Variants in POLR3E observed in about 807,000 individuals in gnomAD.
POLR3E encodes RNA polymerase III subunit E, also known as DNA-directed RNA polymerase III subunit RPC5.
A neutral mutation model predicts 96.6 loss-of-function variants in POLR3E; 41 were observed. The observed-to-expected ratio is 0.42, with a 90% confidence interval of 0.33 to 0.55. POLR3E has a LOEUF of 0.55. Ranked by LOEUF, POLR3E falls within the 20% of genes least tolerant of loss-of-function variation. The pLI, the probability that POLR3E is intolerant of heterozygous loss-of-function variation, is 0.06. For missense variants in POLR3E, 849 were observed against 952.1 expected, an observed-to-expected ratio of 0.89 and a Z score of 1.43; for synonymous variants, 396 against 383.6, an observed-to-expected ratio of 1.03 and a Z score of -0.38.
chr16:22,310,621 T>TA (rs1567313699), intron 6 of POLR3E, among the ~76,000 whole-genome samples: 28 of 43,944 alleles, frequency 6.4e-4, no homozygotes, highest in African/African-American at 1.2e-3. Flanking sequence ...TTTAAAAAGT[T>TA]TAAAAAAAAA....
chr16:22,324,257 C>A (rs971404724), intron 14 of POLR3E, 97 bp from the exon 15 acceptor site: 2 of 971,470 alleles, frequency 2.1e-6, no homozygotes, highest in Non-Finnish European at 3.3e-6. Context: ...TAGGACTGTC[C>A]CAGGCTCCAG....
chr16:22,329,704 A>T (rs2048695792), intron 19 of POLR3E, among the ~76,000 whole-genome samples: 1 of 152,226 alleles, frequency 6.6e-6, no homozygotes, highest in East Asian at 1.9e-4. Flanking sequence ...ATAAATGCAG[A>T]TTTTTAAACA....
At chr16:22,311,032 C>T (rs1483726591) in intron 6 of POLR3E, among the ~76,000 whole-genome samples, 1 of 152,180 alleles carries the variant, frequency 6.6e-6, no homozygotes, top group African/African-American at 2.4e-5. Context: ...GTGGCTCAAT[C>T]TTGGCTCACT....
chr16:22,309,369 C>T (rs2048197997), intron 5 of POLR3E, 59 bp from the exon 6 acceptor site: 16 of 1,282,710 alleles, frequency 1.2e-5, no homozygotes, highest in Non-Finnish European at 1.8e-5. Flanking sequence ...TGCGCTGTGG[C>T]CACAGGCCCT....
At chr16:22,314,994 A>C in intron 8 of POLR3E, 95 bp from the exon 9 acceptor site, 1 of 1,330,938 alleles carries the variant, frequency 7.5e-7, no homozygotes, top group Admixed American at 2.0e-5. Flanking sequence ...GAAAACCCCT[A>C]TACGGAGTTC....
At chr16:22,315,513 G>T (rs1263260542) in intron 9 of POLR3E, among the ~76,000 whole-genome samples, 1 of 152,148 alleles carries the variant, frequency 6.6e-6, no homozygotes, top group East Asian at 1.9e-4. Context: ...TGCAGCCCAG[G>T]CCCTAAACGC....
chr16:22,323,714 C>T (rs1375375161), intron 14 of POLR3E, among the ~76,000 whole-genome samples: 2 of 152,132 alleles, frequency 1.3e-5, no homozygotes, highest in Non-Finnish European at 2.9e-5. Flanking sequence ...GGCTTGCCTC[C>T]CCAGATACAG....
At chr16:22,330,149 C>A (rs75854270) in intron 19 of POLR3E, among the ~76,000 whole-genome samples, 2,585 of 151,998 alleles carry the variant, frequency 0.017, 98 homozygotes, top group East Asian at 0.1. Flanking sequence ...TCTCAGCTCA[C>A]GCCTCTTGCG....
At chr16:22,300,359 G>A (rs1005829522) in intron 1 of POLR3E, among the ~76,000 whole-genome samples, 9 of 152,194 alleles carry the variant, frequency 5.9e-5, no homozygotes, top group African/African-American at 1.7e-4. Context: ...TCGGCCTGGA[G>A]GATGAAGGGA....
At position 22,333,861 on chromosome 16, in the gene POLR3E, C is replaced by A; in HGVS notation, c.*161C>A. ...TGCAGTGGACAGAAGGGATTATCCT[C>A]AGCCAGTCGCAGGGTCAGCTTAAGT... On this transcript the variant is annotated 3_prime_UTR_variant, in exon 21 of 21. Coordinates refer to ENST00000299853, the MANE Select transcript of POLR3E (RefSeq NM_018119.4). 3.5e-6 allele frequency: 2 copies of A among 575,792 alleles called. No individual in the cohort carries two copies. Among genetic ancestry groups the A allele is most frequent in the South Asian group, 2.4e-5 (1 of 41,772 alleles). 35.7% of individuals were successfully genotyped at this position (575,792 alleles called of 1,614,324 possible). A position where few individuals can be genotyped will look rare whatever the true frequency, so the allele number is the denominator to read the frequency against.
At position 22,302,938 on chromosome 16, in the gene POLR3E, T is replaced by C. The variant is rs199890611; in HGVS notation, c.-31T>C. 1,714 of 1,610,690 alleles carry C rather than the reference T, an allele frequency of 1.1e-3. 1 individual carries two copies. Among genetic ancestry groups the C allele is most frequent in the Non-Finnish European group, 1.3e-3 (1,572 of 1,176,834 alleles). On this transcript the variant is annotated 5_prime_UTR_variant, in exon 2 of 21. Transcript: ENST00000299853. The stretch of plus-strand genomic sequence containing the variant: ...TCTCGCCCTCCTTTGCAGATCGAGC[T>C]GAAGGACTGCGCGGCTGGCTCTCCT...
At chr16:22,305,412 A>G in intron 3 of POLR3E, 1 of 696,816 alleles carries the variant, frequency 1.4e-6, no homozygotes, top group Non-Finnish European at 2.6e-6. Flanking sequence ...GAGAGGCAGA[A>G]GTGTGCAGCA....
In POLR3E at chr16:22,324,622, C is replaced by T; in HGVS notation, c.1248C>T (p.Val416=). The T allele has an allele frequency of 6.2e-7, 1 of 1,613,824 alleles. No individual in the cohort carries two copies. Residue 416 remains valine (V), a synonymous_variant, in exon 16 of 21, where the codon GTC becomes GTT. Coordinates refer to ENST00000299853, the MANE Select transcript of POLR3E (RefSeq NM_018119.4). ...TCATCAAGAAGCACCCGGATGTGGT[C>T]CAGCGGCAGCACATGCTGTGGACGG... ...GEFIKKHPDV[V]QRQHMLWTGI...
intron 1 of POLR3E, among the ~76,000 whole-genome samples, chr16:22,301,691 C>G (rs1315620264): frequency 6.6e-6 from 1 of 152,142 alleles, no homozygotes; most frequent in Non-Finnish European, 1.5e-5. Context: ...TTTGGGAAAC[C>G]AAGGCGGGCA....
rs758370830 is a variant in POLR3E at position 22,332,044 on chromosome 16, G to A, written c.1945-16G>A. The A allele has an allele frequency of 6.2e-7, 1 of 1,612,102 alleles. No individual in the cohort carries two copies. Among genetic ancestry groups the A allele is most frequent in the Non-Finnish European group, 8.5e-7 (1 of 1,178,958 alleles). ...AGATCACTGTTTCCCATCATAACGTGTTTTTGCTACTAAAGCATCGACAGG... is the reference window on the plus strand; with the variant it reads ...AGATCACTGTTTCCCATCATAACGTATTTTTGCTACTAAAGCATCGACAGG... On this transcript the variant is annotated splice_polypyrimidine_tract_variant and intron_variant, in intron 19 of 20. Transcript: ENST00000299853.
chr16:22,328,872 T>A (rs2048670539), intron 19 of POLR3E: 3 of 355,142 alleles, frequency 8.4e-6, no homozygotes, highest in Non-Finnish European at 1.6e-5. Context: ...ACGCCTGTAA[T>A]CCCAGCACTT....
At position 22,322,504 on chromosome 16, in the gene POLR3E, T is replaced by C. The variant is rs1422075957; in HGVS notation, c.987-346T>C. On this transcript the variant is annotated intron_variant, in intron 13 of 20. Coordinates refer to ENST00000299853, the MANE Select transcript of POLR3E (RefSeq NM_018119.4). The surrounding 1 kb of genome is among the most constrained non-coding windows in gnomAD (Gnocchi z 5.2). ...CTTGGTGTCACGTGCAGGGACCAGT[T>C]GTCTTCCAGAGTCCTGGGCTCCTTG... Among the ~76,000 whole-genome samples, 3 of 152,116 alleles carry C rather than the reference T, an allele frequency of 2.0e-5. No individual in the cohort carries two copies. Among genetic ancestry groups the C allele is most frequent in the African/African-American group, 4.8e-5 (2 of 41,416 alleles).
intron 2 of POLR3E, 151 bp downstream of exon 2, chr16:22,303,155 C>T: frequency 1.3e-6 from 1 of 753,276 alleles, no homozygotes; most frequent in South Asian, 1.5e-5. Flanking sequence ...TGCTGTCCCC[C>T]AGACCCCTGC....
chr16:22,322,969 G>A lies in POLR3E; in HGVS notation c.1068+38G>A, dbSNP rs377630171. 3.2e-5 allele frequency: 46 copies of A among 1,418,840 alleles called. No homozygotes were observed. The highest frequency in any genetic ancestry group is 1.3e-4 in the African/African-American group (9 of 70,914). The allele number at this position is 1,418,840 out of a possible 1,614,324, so 87.9% of individuals were successfully genotyped here. ...GGTTCTCTGGACTCACGGTGGGGGCGTGGGAAGAGGGGGGCAGCGGTGCAG... is the reference window on the plus strand; with the variant it reads ...GGTTCTCTGGACTCACGGTGGGGGCATGGGAAGAGGGGGGCAGCGGTGCAG... On this transcript the variant is annotated intron_variant, in intron 14 of 20. Transcript: ENST00000299853. This position sits in a 1 kb window ranked among gnomAD's most constrained non-coding sequence, Gnocchi z 5.2.
Sources: gnomAD v4.1 joint callset for allele counts (sites outside exome capture counted in the v4.1 genomes callset) on GRCh38, gnomAD v4.1.1 for gene constraint, Gnocchi (gnomAD v3.1) non-coding constraint, MANE v1.5 for transcripts, NCBI Gene and HGNC (gene_info 2026-07-23, HGNC 2026-07-21) for gene names.